The following ADGRL2 variants were observed in gnomAD, a reference collection of about 807,000 sequenced individuals.
The protein encoded by ADGRL2 is calcium-independent alpha-latrotoxin receptor 2.
A neutral mutation model predicts 157.4 loss-of-function variants in ADGRL2; 44 were observed. The observed-to-expected ratio is 0.28, with a 90% confidence interval of 0.22 to 0.36. The LOEUF is 0.36. ADGRL2 is among the 10% of genes least tolerant of loss of function. ADGRL2 has a pLI of 1.00. For missense variants in ADGRL2, 1,510 were observed against 1,768.9 expected, an observed-to-expected ratio of 0.85 and a Z score of 2.63; for synonymous variants, 585 against 624.7, an observed-to-expected ratio of 0.94 and a Z score of 0.95.
rs2081342312 is a variant in ADGRL2, at chr1:81,602,036, C to G, written c.-143+21056C>G. Among the ~76,000 whole-genome samples the G allele has an allele frequency of 3.9e-5, 6 of 152,174 alleles. No homozygotes were observed. In the South Asian group the frequency reaches 1.2e-3, roughly 31 times the overall value. On this transcript the variant is annotated intron_variant, in intron 3 of 24. Coordinates refer to the ADGRL2 transcript ENST00000370721. ...CATTCCGAATTTTAATTCCAATCTACAAGCTGCAAACACAAATGAAGACCT... is the reference window on the plus strand; with the variant it reads ...CATTCCGAATTTTAATTCCAATCTAGAAGCTGCAAACACAAATGAAGACCT...
chr1:81,638,289 G>A (rs919017221), intron 3 of ADGRL2, among the ~76,000 whole-genome samples: 2 of 152,086 alleles, frequency 1.3e-5, no homozygotes, highest in Non-Finnish European at 2.9e-5. Context: ...ATGTTCTTTA[G>A]AGAAAAGGAA....
intron 2 of ADGRL2, among the ~76,000 whole-genome samples, chr1:81,537,257 A>T (rs2148295795): frequency 6.6e-6 from 1 of 152,264 alleles, no homozygotes; most frequent in Non-Finnish European, 1.5e-5. Flanking sequence ...GTTAAAACTT[A>T]CAGTATGACT....
intron 3 of ADGRL2, among the ~76,000 whole-genome samples, chr1:81,665,204 G>A (rs1388062915): frequency 6.6e-6 from 1 of 152,078 alleles, no homozygotes; most frequent in Non-Finnish European, 1.5e-5. Flanking sequence ...AGTTTGCCAA[G>A]TAAGCATGTT....
At chr1:81,626,829 A>G (rs1179094826) in intron 3 of ADGRL2, among the ~76,000 whole-genome samples, 1 of 152,144 alleles carries the variant, frequency 6.6e-6, no homozygotes, top group Non-Finnish European at 1.5e-5. Context: ...GTATAAAAGC[A>G]TTTGTACCTA....
At chr1:81,405,798 T>C (rs2076843932) in intron 1 of ADGRL2, among the ~76,000 whole-genome samples, 2 of 152,124 alleles carry the variant, frequency 1.3e-5, no homozygotes, top group African/African-American at 4.8e-5. Context: ...AAAGTCATTA[T>C]GCAATCATAA....
intron 1 of ADGRL2, among the ~76,000 whole-genome samples, chr1:81,364,435 A>C (rs901424853): frequency 7.9e-5 from 12 of 152,186 alleles, no homozygotes; most frequent in Admixed American, 6.5e-5. Flanking sequence ...GGTATAGAAC[A>C]ATTCAATTGG....
chr1:81,415,885 G>A (rs2077024384), intron 1 of ADGRL2, among the ~76,000 whole-genome samples: 1 of 147,154 alleles, frequency 6.8e-6, no homozygotes, highest in Non-Finnish European at 1.5e-5. Flanking sequence ...CTGTCGCCCA[G>A]GCTGGAGTAC....
At chr1:81,710,969 A>T (rs913013770) in intron 1 of ADGRL2, among the ~76,000 whole-genome samples, 2 of 152,166 alleles carry the variant, frequency 1.3e-5, no homozygotes, top group Non-Finnish European at 2.9e-5. Flanking sequence ...TTTAACCAAT[A>T]TACTACATGC....
intron 2 of ADGRL2, among the ~76,000 whole-genome samples, chr1:81,794,586 C>T (rs1243238002): frequency 6.6e-6 from 1 of 152,198 alleles, no homozygotes; most frequent in Admixed American, 6.5e-5. Context: ...CTTATCATTA[C>T]TGAATCCTTT....
Position 81,943,675 on chromosome 1 carries a change from G to A in ADGRL2, c.1116G>A (p.Val372=). 1 of 1,613,414 alleles carries A rather than the reference G, an allele frequency of 6.2e-7. No homozygotes were observed. Among genetic ancestry groups the A allele is most frequent in the South Asian group, 1.1e-5 (1 of 91,068 alleles). ...FPNQYQYIAA[V]DYNPRDNQLY... is the part of the protein sequence containing the mutation. ...ACCAGTATCAGTATATTGCTGCAGTGGATTACAATCCAAGAGATAACCAAC... is the reference window on the plus strand; with the variant it reads ...ACCAGTATCAGTATATTGCTGCAGTAGATTACAATCCAAGAGATAACCAAC... Residue 372 remains valine, a synonymous_variant, in exon 6 of 24, where the codon GTG becomes GTA. Transcript: ENST00000686636. The surrounding 1 kb of genome is among the most constrained non-coding windows in gnomAD (Gnocchi z 5.6).
At chr1:81,542,191 G>C (rs1389762100) in intron 2 of ADGRL2, among the ~76,000 whole-genome samples, 1 of 152,134 alleles carries the variant, frequency 6.6e-6, no homozygotes, top group Non-Finnish European at 1.5e-5. Context: ...CATCAGACTT[G>C]CACATTCACA....
chr1:81,951,849 A>ATTTAACATTCGCAAATTTT, intron 8 of ADGRL2, 108 bp from the exon 9 acceptor site: 1 of 756,432 alleles, frequency 1.3e-6, no homozygotes, highest in Non-Finnish European at 2.0e-6. Context: ...TAGTTGGAGA[A>ATTTAACATTCGCAAATTTT]TTTAACATTC....
chr1:81,830,703 C>T (rs568945836), intron 1 of ADGRL2, among the ~76,000 whole-genome samples: 4 of 152,156 alleles, frequency 2.6e-5, no homozygotes, highest in South Asian at 2.1e-4. Flanking sequence ...GACGGGGTTT[C>T]GCCACATTGG....
intron 2 of ADGRL2, among the ~76,000 whole-genome samples, chr1:81,497,812 T>A (rs1412661718): frequency 6.6e-6 from 1 of 150,848 alleles, no homozygotes; most frequent in Non-Finnish European, 1.5e-5. Context: ...ACTGGTCTAT[T>A]TTTGTTTGAT....
At chr1:81,502,759 G>T in intron 2 of ADGRL2, 27 of 1,613,502 alleles carry the variant, frequency 1.7e-5, no homozygotes, top group Non-Finnish European at 2.3e-5. Context: ...CAACCGCAGG[G>T]AGAGCCGGCG....
At chr1:81,736,508 T>C (rs1345839870) in intron 1 of ADGRL2, among the ~76,000 whole-genome samples, 1 of 152,202 alleles carries the variant, frequency 6.6e-6, no homozygotes, top group Non-Finnish European at 1.5e-5. Context: ...TATTCGATTA[T>C]TCAGCAGAGC....
chr1:81,763,455 G>T (rs1173664732), intron 2 of ADGRL2, among the ~76,000 whole-genome samples: 5 of 151,638 alleles, frequency 3.3e-5, no homozygotes, highest in Non-Finnish European at 7.4e-5. Flanking sequence ...TGGGTATGGT[G>T]GTGAGTCCCT....
At position 81,993,255 on chromosome 1, in the gene ADGRL2, C is replaced by A. The variant is rs976242038; in HGVS notation, c.*2110C>A. ...GGTACTCATTTATTTGGCTAAAATTCTTCAGGGATTTATAAACTACTTGCT... is the reference window on the plus strand; with the variant it reads ...GGTACTCATTTATTTGGCTAAAATTATTCAGGGATTTATAAACTACTTGCT... On this transcript the variant is annotated 3_prime_UTR_variant, in exon 24 of 24. Transcript: ENST00000686636. Among the ~76,000 whole-genome samples, 1 of 150,202 alleles carries A rather than the reference C, an allele frequency of 6.7e-6. No individual in the cohort carries two copies. Among genetic ancestry groups the A allele is most frequent in the African/African-American group, 2.5e-5 (1 of 40,704 alleles).
intron 1 of ADGRL2, among the ~76,000 whole-genome samples, chr1:81,426,157 A>T (rs12567683): frequency 6.6e-6 from 1 of 152,220 alleles, no homozygotes; most frequent in Non-Finnish European, 1.5e-5. Context: ...ATGTAGAATT[A>T]TGGTTGGACA....
Sources: gnomAD v4.1 joint callset for allele counts (sites outside exome capture counted in the v4.1 genomes callset) on GRCh38, gnomAD v4.1.1 for gene constraint, Gnocchi (gnomAD v3.1) non-coding constraint, MANE v1.5 for transcripts, NCBI Gene and HGNC (gene_info 2026-07-23, HGNC 2026-07-21) for gene names.